The following FRMD4B variants were observed in gnomAD, a reference collection of about 807,000 sequenced individuals.
FRMD4B encodes FERM domain-containing protein 4B.
In FRMD4B, 74 loss-of-function variants were observed where a neutral mutation model predicts 141.5. The ratio of observed to expected loss-of-function variants is 0.52; its 90% CI spans 0.43 to 0.63. The LOEUF (loss-of-function observed/expected upper bound fraction) is 0.63, where lower values mean the gene tolerates loss of function less well. Ranked by LOEUF, FRMD4B falls within the 30% of genes least tolerant of loss-of-function variation. The pLI is 0.00. For synonymous variants in FRMD4B, 506 were observed against 467.9 expected (o/e 1.08, Z -1.05); for missense variants, 1,366 against 1,253.4 (o/e 1.09, Z -1.36).
chr3:69,363,250 T>TTTTTTTTTC (rs1264617271), intron 1 of FRMD4B, among the ~76,000 whole-genome samples: 43 of 148,452 alleles, frequency 2.9e-4, no homozygotes, highest in Non-Finnish European at 5.4e-4. Context: ...TTTACCATGT[T>TTTTTTTTTC]TTTTTTTTTT....
intron 4 of FRMD4B, among the ~76,000 whole-genome samples, chr3:69,295,494 G>A (rs1701008875): frequency 6.6e-6 from 1 of 152,126 alleles, no homozygotes; most frequent in Non-Finnish European, 1.5e-5. Flanking sequence ...GCTAATTATT[G>A]TATTTTTTGT....
chr3:69,179,512 A>G (rs1000695523), intron 21 of FRMD4B, among the ~76,000 whole-genome samples: 5 of 152,232 alleles, frequency 3.3e-5, no homozygotes, highest in Admixed American at 1.3e-4. Context: ...AGATGTGGTA[A>G]TAGATGGGAC....
chr3:69,396,646 C>T (rs550842167), intron 2 of FRMD4B, among the ~76,000 whole-genome samples: 156 of 152,244 alleles, frequency 1.0e-3, no homozygotes, highest in African/African-American at 3.5e-3. Flanking sequence ...CAATGATATA[C>T]TACTTCACAT....
At chr3:69,296,314 A>C (rs1388402800) in intron 4 of FRMD4B, among the ~76,000 whole-genome samples, 2 of 152,176 alleles carry the variant, frequency 1.3e-5, no homozygotes, top group African/African-American at 4.8e-5. Context: ...AGATTTCTAA[A>C]AATAATTTCT....
At chr3:69,314,982 T>C (rs1244292106) in intron 1 of FRMD4B, among the ~76,000 whole-genome samples, 1 of 152,112 alleles carries the variant, frequency 6.6e-6, no homozygotes, top group African/African-American at 2.4e-5. Flanking sequence ...TGAGCCAGGA[T>C]CATGCCTGTG....
At chr3:69,242,996 A>C (rs1312263426) in intron 7 of FRMD4B, among the ~76,000 whole-genome samples, 1 of 138,248 alleles carries the variant, frequency 7.2e-6, no homozygotes, top group Non-Finnish European at 1.5e-5. Context: ...CTCTGTCTCA[A>C]AAAAAAAAAA....
At chr3:69,302,643 G>A (rs1296069958) in intron 3 of FRMD4B, among the ~76,000 whole-genome samples, 1 of 152,170 alleles carries the variant, frequency 6.6e-6, no homozygotes, top group South Asian at 2.1e-4. Flanking sequence ...CCATTTCCAG[G>A]AGTACATCAA....
intron 1 of FRMD4B, among the ~76,000 whole-genome samples, chr3:69,480,026 A>C (rs374186082): frequency 1.1e-4 from 17 of 152,112 alleles, no homozygotes; most frequent in African/African-American, 4.1e-4. Flanking sequence ...GCATTCTTCA[A>C]GTAGTTCTCG....
At chr3:69,240,482 C>CAAAA (rs11344881) in intron 7 of FRMD4B, among the ~76,000 whole-genome samples, 14 of 72,414 alleles carry the variant, frequency 1.9e-4, no homozygotes, top group Admixed American at 4.2e-4. Flanking sequence ...GACTCTGTCT[C>CAAAA]AAAAAAAAAA....
At chr3:69,477,668 T>C in intron 1 of FRMD4B, among the ~76,000 whole-genome samples, 1 of 152,024 alleles carries the variant, frequency 6.6e-6, no homozygotes. Context: ...AAATTCTCTT[T>C]TTTGGTTATG....
intron 1 of FRMD4B, among the ~76,000 whole-genome samples, chr3:69,455,162 A>G (rs993355246): frequency 2.0e-5 from 3 of 152,200 alleles, no homozygotes; most frequent in South Asian, 2.1e-4. Flanking sequence ...CAGACCAATC[A>G]GCTCTCTGTA....
intron 1 of FRMD4B, among the ~76,000 whole-genome samples, chr3:69,375,823 A>G (rs775298109): frequency 1.3e-5 from 2 of 152,198 alleles, no homozygotes; most frequent in African/African-American, 2.4e-5. Context: ...TAAAGGCACA[A>G]CATCTAATAA....
chr3:69,211,468 G>A lies in FRMD4B; in HGVS notation c.876+4795C>T, dbSNP rs115353808. ...AAGACTTGAAGAGCATCTGCTGGAT[G>A]CCCTGGGAGGTCAAACAAATACCTC... On this transcript the variant is annotated intron_variant, in intron 11 of 22. Coordinates refer to ENST00000398540, the MANE Select transcript of FRMD4B (RefSeq NM_015123.3). 3.6e-3 allele frequency among the ~76,000 whole-genome samples: 541 copies of A among 152,296 alleles called. 2 individuals carry two copies. The highest frequency in any genetic ancestry group is 6.5e-3 in the Non-Finnish European group (440 of 68,010).
intron 1 of FRMD4B, among the ~76,000 whole-genome samples, chr3:69,454,039 C>T (rs1292884601): frequency 6.6e-6 from 1 of 152,196 alleles, no homozygotes; most frequent in Non-Finnish European, 1.5e-5. Context: ...CCTATACCAT[C>T]CCACAGCCCA....
chr3:69,265,269 AATATATATATATATATATATATAT>A (rs1175250592), intron 5 of FRMD4B, among the ~76,000 whole-genome samples: 1 of 23,442 alleles, frequency 4.3e-5, no homozygotes, highest in South Asian at 2.4e-3. Context: ...AAAAAAAAAA[AATATATATATATATATATATATAT>A]ATATATATAT....
intron 1 of FRMD4B, among the ~76,000 whole-genome samples, chr3:69,381,366 T>C (rs1704114421): frequency 6.6e-6 from 1 of 152,188 alleles, no homozygotes; most frequent in Non-Finnish European, 1.5e-5. Flanking sequence ...GTTTCACTTA[T>C]AGTATATGAA....
At chr3:69,385,278 C>T (rs2080884105) in intron 1 of FRMD4B, among the ~76,000 whole-genome samples, 1 of 152,084 alleles carries the variant, frequency 6.6e-6, no homozygotes, top group Non-Finnish European at 1.5e-5. Context: ...CATCCTCCTG[C>T]AAAGTGTTCA....
intron 1 of FRMD4B, among the ~76,000 whole-genome samples, chr3:69,438,747 C>T (rs1003792444): frequency 6.6e-6 from 1 of 152,072 alleles, no homozygotes; most frequent in African/African-American, 2.4e-5. Context: ...TCCAGTACTG[C>T]CTCCCACCAC....
chr3:69,309,998 A>G (rs946905255), intron 3 of FRMD4B, among the ~76,000 whole-genome samples: 2 of 152,072 alleles, frequency 1.3e-5, no homozygotes, highest in African/African-American at 2.4e-5. Context: ...GGCATTTCCC[A>G]TTTCATCCAG....
Sources: gnomAD v4.1 joint callset for allele counts (sites outside exome capture counted in the v4.1 genomes callset) on GRCh38, gnomAD v4.1.1 for gene constraint, MANE v1.5 for transcripts, NCBI Gene and HGNC (gene_info 2026-07-23, HGNC 2026-07-21) for gene names.